Variants in EXOC4 observed in about 807,000 individuals in gnomAD.
EXOC4 encodes the protein exocyst complex component 4.
EXOC4 carries 71 observed loss-of-function variants against 107.2 expected under a neutral mutation model. The observed-to-expected ratio is 0.66, with a 90% CI of 0.55 to 0.81. EXOC4 has a LOEUF of 0.81. EXOC4 is among the 30% of genes least tolerant of loss of function. The pLI, the probability that EXOC4 is intolerant of heterozygous loss-of-function variation, is 0.00. For synonymous variants in EXOC4, 456 were observed against 441.2 expected (o/e 1.03, Z -0.42); for missense variants, 1,108 against 1,189.6 (o/e 0.93, Z 1.01).
rs372671345 is a variant in EXOC4, at chr7:133,613,865, T to C, written c.1418-16180T>C. Among the ~76,000 whole-genome samples the C allele has an allele frequency of 5.3e-5, 8 of 152,262 alleles. No individual in the cohort carries two copies. In the East Asian group the frequency reaches 1.5e-3, roughly 29 times the overall value. On this transcript the variant is annotated intron_variant, in intron 9 of 17. Coordinates refer to ENST00000253861, the MANE Select transcript of EXOC4 (RefSeq NM_021807.4). ...ATAAGAAAGGCATACCTATAGACTC[T>C]AATATGATTCCAGATATAGGGAAGT...
At chr7:133,811,885 G>A (rs1315783287) in intron 10 of EXOC4, among the ~76,000 whole-genome samples, 4 of 152,196 alleles carry the variant, frequency 2.6e-5, no homozygotes, top group Non-Finnish European at 5.9e-5. Flanking sequence ...TATGGATTAT[G>A]ATCAAAGGAC....
intron 12 of EXOC4, 88 bp downstream of exon 12, chr7:133,895,823 C>T: frequency 7.2e-7 from 1 of 1,388,244 alleles, no homozygotes; most frequent in Non-Finnish European, 9.9e-7. Flanking sequence ...GCCTAATTTC[C>T]AAAAGGATCA....
rs147478793 is a variant in EXOC4 at position 133,928,829 on chromosome 7, A to G, written c.2028-9062A>G. 2.4e-3 allele frequency among the ~76,000 whole-genome samples: 363 copies of G among 152,102 alleles called. 5 individuals carry two copies. Among genetic ancestry groups the G allele is most frequent in the African/African-American group, 8.2e-3 (339 of 41,514 alleles). ...TCCATCAAGCAAGAGGTCAGAAGACAGTGTCTAAAATTAACATCAACAAGT... is the reference window on the plus strand; with the variant it reads ...TCCATCAAGCAAGAGGTCAGAAGACGGTGTCTAAAATTAACATCAACAAGT... On this transcript the variant is annotated intron_variant, in intron 13 of 17. Transcript: ENST00000253861.
chr7:133,309,266 A>C (rs904769843), intron 4 of EXOC4, among the ~76,000 whole-genome samples: 4 of 152,176 alleles, frequency 2.6e-5, no homozygotes, highest in Non-Finnish European at 5.9e-5. Flanking sequence ...TCAGTTACAC[A>C]GAAAGGAGCA....
intron 7 of EXOC4, among the ~76,000 whole-genome samples, chr7:133,433,997 A>G (rs1797910922): frequency 6.6e-6 from 1 of 152,220 alleles, no homozygotes; most frequent in Non-Finnish European, 1.5e-5. Context: ...AGTATCTTTA[A>G]TTATGGAAGG....
At chr7:133,381,314 CACAG>C (rs1191229647) in intron 7 of EXOC4, among the ~76,000 whole-genome samples, 1 of 152,100 alleles carries the variant, frequency 6.6e-6, no homozygotes, top group Non-Finnish European at 1.5e-5. Context: ...GGCACAGACA[CACAG>C]ACAGACTAAT....
At chr7:133,588,566 C>T (rs1563118258) in intron 9 of EXOC4, among the ~76,000 whole-genome samples, 1 of 152,046 alleles carries the variant, frequency 6.6e-6, no homozygotes. Context: ...GCCTTCTTTT[C>T]AGCTTTTTGG....
intron 10 of EXOC4, among the ~76,000 whole-genome samples, chr7:133,639,892 GA>G (rs369817573): frequency 4.0e-5 from 6 of 150,464 alleles, no homozygotes; most frequent in African/African-American, 1.5e-4. Context: ...ATGTCAAGAA[GA>G]AAAAAAAACT....
chr7:133,969,132 G>A (rs912622900), intron 14 of EXOC4, among the ~76,000 whole-genome samples: 5 of 151,776 alleles, frequency 3.3e-5, no homozygotes, highest in East Asian at 3.9e-4. Flanking sequence ...TGATTGATTT[G>A]GCTATTGCTA....
intron 17 of EXOC4, among the ~76,000 whole-genome samples, chr7:134,064,056 G>C (rs1000920247): frequency 3.9e-5 from 6 of 152,256 alleles, no homozygotes; most frequent in African/African-American, 1.4e-4. Flanking sequence ...AGAAAGGTAT[G>C]CGGCCTCCCT....
At chr7:133,285,992 T>C (rs1179683130) in intron 2 of EXOC4, among the ~76,000 whole-genome samples, 1 of 152,184 alleles carries the variant, frequency 6.6e-6, no homozygotes, top group Non-Finnish European at 1.5e-5. Context: ...ACTCCTGAGC[T>C]CCAGCAGCCC....
intron 9 of EXOC4, among the ~76,000 whole-genome samples, chr7:133,595,244 A>G (rs1801639504): frequency 6.6e-6 from 1 of 152,178 alleles, no homozygotes; most frequent in South Asian, 2.1e-4. Context: ...CAAGAGAAGA[A>G]GGGAGGTGAT....
intron 3 of EXOC4, among the ~76,000 whole-genome samples, chr7:133,301,474 A>C (rs1054795182): frequency 1.3e-5 from 2 of 152,184 alleles, no homozygotes; most frequent in Non-Finnish European, 2.9e-5. Context: ...TTGCTAGAAA[A>C]ATGCTTCCTT....
intron 10 of EXOC4, among the ~76,000 whole-genome samples, chr7:133,672,689 AGAT>A (rs1197382198): frequency 4.6e-5 from 7 of 152,178 alleles, no homozygotes; most frequent in Non-Finnish European, 8.8e-5. Flanking sequence ...CAAAAGCAAC[AGAT>A]GGTGAGGAAG....
chr7:133,999,032 G>A (rs1035180988), intron 15 of EXOC4, among the ~76,000 whole-genome samples: 1 of 152,148 alleles, frequency 6.6e-6, no homozygotes, highest in Non-Finnish European at 1.5e-5. Flanking sequence ...AACACTGAGG[G>A]AGGAGAAGGG....
chr7:133,549,928 A>G (rs1424466815), intron 9 of EXOC4, among the ~76,000 whole-genome samples: 1 of 152,040 alleles, frequency 6.6e-6, no homozygotes, highest in Admixed American at 6.6e-5. Context: ...TTTCTTTGTC[A>G]TTTTTGTTCT....
intron 17 of EXOC4, among the ~76,000 whole-genome samples, chr7:134,013,579 A>G (rs1794823535): frequency 6.6e-6 from 1 of 152,236 alleles, no homozygotes; most frequent in African/African-American, 2.4e-5. Context: ...ATTGTAACAA[A>G]TGTATCATAC....
chr7:133,987,986 A>T (rs916886038), intron 14 of EXOC4, among the ~76,000 whole-genome samples: 1 of 152,196 alleles, frequency 6.6e-6, no homozygotes, highest in African/African-American at 2.4e-5. Flanking sequence ...TAATATTAGG[A>T]TGTGGAACCA....
In EXOC4 at chr7:133,480,376, A is replaced by T. The variant is rs901322654; in HGVS notation, c.1417+238A>T. The T allele has an allele frequency of 1.4e-5, 19 of 1,331,552 alleles. No individual in the cohort carries two copies. In the African/African-American group the frequency reaches 2.8e-4, roughly 20 times the overall value. 82.5% of individuals were successfully genotyped at this position (1,331,552 alleles called of 1,614,324 possible). On this transcript the variant is annotated intron_variant, in intron 9 of 17. Transcript: ENST00000253861. The stretch of plus-strand genomic sequence containing the variant: ...AAGTGGGAATTCAAAGCAAAAAGAG[A>T]TGAGGCCAGGCTCGTCTTGCTTAAA...
Sources: gnomAD v4.1 joint callset for allele counts (sites outside exome capture counted in the v4.1 genomes callset) on GRCh38, gnomAD v4.1.1 for gene constraint, MANE v1.5 for transcripts, NCBI Gene and HGNC (gene_info 2026-07-23, HGNC 2026-07-21) for gene names.